YY1: variants seen among roughly 807,000 people sequenced by gnomAD.
YY1 encodes YY1 transcription factor.
A neutral mutation model predicts 35.6 loss-of-function variants in YY1; 2 were observed. That is an observed-to-expected ratio of 0.06 (90% CI 0.02 to 0.18). The LOEUF is 0.18. Ranked by LOEUF, YY1 falls within the 10% of genes least tolerant of loss-of-function variation. The pLI is 1.00. For synonymous variants in YY1, 268 were observed against 238.9 expected (o/e 1.12, Z -1.12); for missense variants, 322 against 573.4 (o/e 0.56, Z 4.48).
intron 1 of YY1, among the ~76,000 whole-genome samples, chr14:100,246,483 A>G (rs1343000471): frequency 1.3e-5 from 2 of 152,214 alleles, no homozygotes; most frequent in Non-Finnish European, 2.9e-5. Flanking sequence ...TGGGGTGGTG[A>G]GACCCCACCT....
At chr14:100,270,301 A>G (rs1166315130) in intron 2 of YY1, among the ~76,000 whole-genome samples, 121 of 145,204 alleles carry the variant, frequency 8.3e-4, no homozygotes, top group Non-Finnish European at 2.3e-4. Flanking sequence ...TTAAGTTACT[A>G]GGAATAACTC....
intron 1 of YY1, among the ~76,000 whole-genome samples, chr14:100,261,552 G>T (rs1391364096): frequency 6.6e-6 from 1 of 152,172 alleles, no homozygotes; most frequent in East Asian, 1.9e-4. Context: ...TAAATGCACG[G>T]GATCAAAACT....
rs147877361 is a variant in YY1 at position 100,255,903 on chromosome 14, T to C, written c.680-6401T>C. Among the ~76,000 whole-genome samples, 690 of 152,312 alleles carry C rather than the reference T, an allele frequency of 4.5e-3. 6 individuals are homozygous for C. The highest frequency in any genetic ancestry group is 0.016 in the African/African-American group (656 of 41,542). ...CTCTTAATATTAGAATTGTTCAGGT[T>C]TTGATTATAATCCTTCTCCTCTCTG... On this transcript the variant is annotated intron_variant, in intron 1 of 4. Coordinates refer to ENST00000262238, the MANE Select transcript of YY1 (RefSeq NM_003403.5).
intron 2 of YY1, among the ~76,000 whole-genome samples, chr14:100,270,299 C>T (rs1479244131): frequency 7.2e-6 from 1 of 137,952 alleles, no homozygotes; most frequent in South Asian, 2.4e-4. Flanking sequence ...AATTAAGTTA[C>T]TAGGAATAAC....
chr14:100,245,094 A>ATG (rs1306728278), intron 1 of YY1, among the ~76,000 whole-genome samples: 1 of 151,522 alleles, frequency 6.6e-6, no homozygotes, highest in Non-Finnish European at 1.5e-5. Context: ...CCGCTGCCAC[A>ATG]CCCGGCTAAT....
chr14:100,274,607 T>C, intron 2 of YY1, 91 bp from the exon 3 acceptor site: 1 of 1,154,408 alleles, frequency 8.7e-7, no homozygotes, highest in Non-Finnish European at 1.3e-6. Flanking sequence ...TGGGTACCTA[T>C]AAGGAAAGCA....
chr14:100,255,182 GTT>G (rs1351867749), intron 1 of YY1, among the ~76,000 whole-genome samples: 1 of 151,846 alleles, frequency 6.6e-6, no homozygotes, highest in Admixed American at 6.6e-5. Flanking sequence ...AGGAAACACT[GTT>G]TTTTAAGGAA....
intron 1 of YY1, among the ~76,000 whole-genome samples, chr14:100,244,418 C>T (rs1254405969): frequency 2.8e-5 from 4 of 141,674 alleles, no homozygotes; most frequent in Non-Finnish European, 4.5e-5. Flanking sequence ...CTCCACCTTC[C>T]GAGTAGCACG....
At chr14:100,258,858 A>G (rs977739611) in intron 1 of YY1, among the ~76,000 whole-genome samples, 1 of 152,252 alleles carries the variant, frequency 6.6e-6, no homozygotes, top group Non-Finnish European at 1.5e-5. Context: ...CATTGCTGAG[A>G]GTGATTGAAC....
chr14:100,252,131 C>T (rs1031953398), intron 1 of YY1, among the ~76,000 whole-genome samples: 1 of 152,006 alleles, frequency 6.6e-6, no homozygotes, highest in African/African-American at 2.4e-5. Flanking sequence ...TTGCTTGGAG[C>T]GTGGAGGGCA....
chr14:100,257,088 G>A (rs1001362531), intron 1 of YY1, among the ~76,000 whole-genome samples: 1 of 152,016 alleles, frequency 6.6e-6, no homozygotes, highest in Non-Finnish European at 1.5e-5. Flanking sequence ...TTGATATGTC[G>A]CTAAGTTCTC....
At position 100,281,849 on chromosome 14, in the gene YY1, G is replaced by A. The variant is rs1161029994; in HGVS notation, c.*4249G>A. 1 of 152,194 alleles carries A rather than the reference G, an allele frequency of 6.6e-6. No homozygotes were observed. Among genetic ancestry groups the A allele is most frequent in the Non-Finnish European group, 1.5e-5 (1 of 68,054 alleles). The allele number at this position is 152,194 out of a possible 1,614,324, so 9.4% of individuals were successfully genotyped here. On this transcript the variant is annotated 3_prime_UTR_variant, in exon 5 of 5. Transcript: ENST00000262238. ...AGTCACGTCAGGCAAGAGAGGGCTG[G>A]CCTCTGACCCACAAGAGGGCAGATT... is the stretch of plus-strand genomic sequence containing the variant.
At chr14:100,254,462 C>G (rs1242572259) in intron 1 of YY1, among the ~76,000 whole-genome samples, 1 of 151,840 alleles carries the variant, frequency 6.6e-6, no homozygotes, top group Non-Finnish European at 1.5e-5. Flanking sequence ...TTTCTTTTCT[C>G]TTTTCTTTTC....
rs71113254 is a variant in YY1, at chr14:100,260,771, CTTTTTTTTTTTTTTTTTTTTTTTTTTTTT to C, written c.680-1522_680-1494del. 7.0e-5 allele frequency among the ~76,000 whole-genome samples: 3 copies of C among 42,568 alleles called. No individual in the cohort carries two copies. In the South Asian group the frequency reaches 3.4e-3, roughly 49 times the overall value. 27.9% of individuals were successfully genotyped at this position (42,568 alleles called of 152,430 possible). A position where few individuals can be genotyped will look rare whatever the true frequency, so the allele number is the denominator to read the frequency against. On this transcript the variant is annotated intron_variant, in intron 1 of 4. Transcript: ENST00000262238. ...CAGGTGTGAGCCACCGTGCCTGGTC[CTTTTTTTTTTTTTTTTTTTTTTTTTTTTT>C]TTTTTTTTTTGGAGGCAGAGTCTTG...
At chr14:100,242,094 T>C (rs1247254206) in intron 1 of YY1, among the ~76,000 whole-genome samples, 1 of 151,818 alleles carries the variant, frequency 6.6e-6, no homozygotes, top group East Asian at 1.9e-4. Context: ...TAGGTAAAGA[T>C]ACATTAACCA....
chr14:100,258,489 C>T (rs1440975613), intron 1 of YY1, among the ~76,000 whole-genome samples: 3 of 152,168 alleles, frequency 2.0e-5, no homozygotes, highest in Non-Finnish European at 2.9e-5. Flanking sequence ...GGCAGCAGAG[C>T]TTAACAGTTA....
At chr14:100,268,989 A>G (rs1891193716) in intron 2 of YY1, among the ~76,000 whole-genome samples, 1 of 152,210 alleles carries the variant, frequency 6.6e-6, no homozygotes, top group Non-Finnish European at 1.5e-5. Context: ...GAAGTCCACA[A>G]TCTTTACAAC....
intron 1 of YY1, among the ~76,000 whole-genome samples, chr14:100,250,255 T>G (rs1414462203): frequency 2.0e-5 from 3 of 152,194 alleles, no homozygotes; most frequent in Non-Finnish European, 2.9e-5. Context: ...TGGGAAAAAC[T>G]GGGAAACAAC....
chr14:100,269,416 A>G (rs1466669097), intron 2 of YY1, among the ~76,000 whole-genome samples: 1 of 152,150 alleles, frequency 6.6e-6, no homozygotes, highest in Non-Finnish European at 1.5e-5. Flanking sequence ...CTCATTCATA[A>G]TGTCTATGCT....
Sources: allele counts gnomAD v4.1 joint callset (sites outside exome capture counted in the v4.1 genomes callset), GRCh38; gene constraint gnomAD v4.1.1; transcripts MANE v1.5; gene names NCBI Gene and HGNC (gene_info 2026-07-23, HGNC 2026-07-21).